UTRN: variants seen among roughly 807,000 people sequenced by gnomAD.
The protein encoded by UTRN is utrophin.
Under a neutral mutation model 463.9 loss-of-function variants are expected in UTRN, and 283 were observed. That is an observed-to-expected ratio of 0.61 (90% CI 0.55 to 0.67). UTRN has a LOEUF of 0.67. Ranked by LOEUF, UTRN falls within the 30% of genes least tolerant of loss-of-function variation. UTRN has a pLI of 0.00. For missense variants in UTRN, 3,922 were observed against 4,084.3 expected (o/e 0.96, Z 1.08); for synonymous variants, 1,442 against 1,431.5 (o/e 1.01, Z -0.17).
intron 51 of UTRN, among the ~76,000 whole-genome samples, chr6:144,632,777 A>G (rs1030107248): frequency 1.3e-5 from 2 of 150,824 alleles, no homozygotes; most frequent in Non-Finnish European, 2.9e-5. Flanking sequence ...GCTGGAGTGC[A>G]ATGGCAAGAT....
At chr6:144,485,086 A>T (rs7745507) in intron 27 of UTRN, among the ~76,000 whole-genome samples, 13,698 of 150,014 alleles carry the variant, frequency 0.091, 1,632 homozygotes, top group African/African-American at 0.27. Context: ...TAATATTTTT[A>T]TATATATATA....
intron 51 of UTRN, among the ~76,000 whole-genome samples, chr6:144,677,163 T>C (rs943832013): frequency 3.3e-5 from 5 of 152,184 alleles, no homozygotes; most frequent in Admixed American, 2.0e-4. Flanking sequence ...GTTTGTTCCA[T>C]AGGTGTACAT....
intron 51 of UTRN, among the ~76,000 whole-genome samples, chr6:144,618,340 A>G (rs901141230): frequency 6.6e-6 from 1 of 152,172 alleles, no homozygotes; most frequent in Admixed American, 6.6e-5. Flanking sequence ...TTTATTGATG[A>G]TACTACTAAG....
intron 33 of UTRN, among the ~76,000 whole-genome samples, chr6:144,498,724 G>A (rs113151373): frequency 0.041 from 6,199 of 151,502 alleles, 439 homozygotes; most frequent in African/African-American, 0.14. Flanking sequence ...GCAGGATCAC[G>A]GCTCACTGCA....
Position 144,459,222 on chromosome 6 carries a change from C to T in UTRN, c.2575C>T (p.Arg859Cys), listed in dbSNP as rs559300380. 4.6e-5 allele frequency: 75 copies of T among 1,613,744 alleles called. No homozygotes were observed. In the East Asian group the frequency reaches 1.1e-3, roughly 24 times the overall value. The change falls in exon 21 of 75, where the codon CGT becomes TGT. Residue 859 changes from arginine (R) to cysteine (C), a missense_variant. Physicochemically the swap from Arg to Cys is radical, Grantham distance 180. Around this residue, in one of 3 missense-constraint regions of UTRN, gnomAD observed 2,349 missense variants for 2,303.8 expected, o/e 1.02. Transcript: ENST00000367545. Reference protein sequence around the residue: ...LGLHPKIEMARASCSALMSQP... With the variant: ...LGLHPKIEMACASCSALMSQP... ...CCTTCACCCCAAAATTGAAATGGCT[C>T]GTGCAAGCTGCTCGGCCCTGATGTC...
At chr6:144,549,857 T>C (rs957773857) in intron 47 of UTRN, among the ~76,000 whole-genome samples, 2 of 152,194 alleles carry the variant, frequency 1.3e-5, no homozygotes, top group Non-Finnish European at 2.9e-5. Flanking sequence ...CAAATTCCCT[T>C]TGTGAAGGAG....
At chr6:144,799,360 A>G in intron 64 of UTRN, 1 of 448,178 alleles carries the variant, frequency 2.2e-6, no homozygotes, top group South Asian at 1.7e-5. Flanking sequence ...TTCTAAGAGG[A>G]GGAAAAGACA....
chr6:144,784,233 C>T (rs897116730), intron 61 of UTRN, among the ~76,000 whole-genome samples: 6 of 152,170 alleles, frequency 3.9e-5, no homozygotes, highest in Admixed American at 3.9e-4. Context: ...GTCCATGGCT[C>T]TGACACACTG....
At chr6:144,725,654 G>A (rs1481092040) in intron 53 of UTRN, among the ~76,000 whole-genome samples, 1 of 152,170 alleles carries the variant, frequency 6.6e-6, no homozygotes, top group Non-Finnish European at 1.5e-5. Flanking sequence ...TATCATTAAT[G>A]TTCACCAGGT....
chr6:144,572,005 C>T (rs529519286), intron 50 of UTRN, among the ~76,000 whole-genome samples: 6 of 152,162 alleles, frequency 3.9e-5, no homozygotes, highest in Non-Finnish European at 7.4e-5. Context: ...TTGTGTTATT[C>T]GTTTGTTTTT....
In UTRN at chr6:144,451,450, A is replaced by T; in HGVS notation, c.2153A>T (p.Tyr718Phe). 1 of 1,613,064 alleles carries T rather than the reference A, an allele frequency of 6.2e-7. No individual in the cohort carries two copies. The change falls in exon 18 of 75, where the codon TAT becomes TTT. Residue 718 changes from tyrosine (Y) to phenylalanine (F), a missense_variant. Coordinates refer to ENST00000367545, the MANE Select transcript of UTRN (RefSeq NM_007124.3). ...ATTCAGACCACAGAGATAAAAGAGT[A>T]TATGAAGATGCAAGACACTTCCGAA... ...TAIQTTEIKE[Y>F]MKMQDTSEMK... is the part of the protein sequence containing the mutation.
intron 51 of UTRN, among the ~76,000 whole-genome samples, chr6:144,663,834 T>C (rs1294273436): frequency 6.6e-6 from 1 of 152,214 alleles, no homozygotes; most frequent in Admixed American, 6.5e-5. Flanking sequence ...TTTGAAGCTA[T>C]ATTGTATTGC....
chr6:144,511,848 C>A (rs998501469), intron 35 of UTRN, among the ~76,000 whole-genome samples: 1 of 152,026 alleles, frequency 6.6e-6, no homozygotes, highest in Non-Finnish European at 1.5e-5. Context: ...TATATGGCCA[C>A]CCCACCCTCC....
At chr6:144,819,025 C>T (rs1438137118) in intron 65 of UTRN, among the ~76,000 whole-genome samples, 3 of 151,870 alleles carry the variant, frequency 2.0e-5, no homozygotes, top group Non-Finnish European at 4.4e-5. Flanking sequence ...TTCTTCTGCA[C>T]TTTTGCTTTG....
chr6:144,757,132 T>C (rs1013932916), intron 57 of UTRN, among the ~76,000 whole-genome samples: 2 of 151,838 alleles, frequency 1.3e-5, no homozygotes, highest in African/African-American at 4.8e-5. Context: ...AAAATTCTTT[T>C]ATGGCACTAA....
intron 52 of UTRN, among the ~76,000 whole-genome samples, chr6:144,679,846 C>T (rs1782030205): frequency 6.6e-6 from 1 of 152,014 alleles, no homozygotes; most frequent in Non-Finnish European, 1.5e-5. Flanking sequence ...TTTGCAGTTC[C>T]TCTTACATGT....
chr6:144,805,649 A>G (rs143369066), intron 65 of UTRN, among the ~76,000 whole-genome samples: 1 of 152,248 alleles, frequency 6.6e-6, no homozygotes, highest in East Asian at 1.9e-4. Context: ...CCCCTTGTTT[A>G]ACAATTATTA....
chr6:144,823,598 T>A (rs537847119), intron 66 of UTRN, among the ~76,000 whole-genome samples: 3 of 152,276 alleles, frequency 2.0e-5, no homozygotes, highest in African/African-American at 7.2e-5. Flanking sequence ...AGGGGATTTA[T>A]GGGGAAAATG....
At chr6:144,519,666 T>C (rs1345354023) in intron 39 of UTRN, among the ~76,000 whole-genome samples, 2 of 152,186 alleles carry the variant, frequency 1.3e-5, no homozygotes, top group Non-Finnish European at 2.9e-5. Flanking sequence ...AGAAAGCACA[T>C]GTTTAAGTCT....
Sources: allele counts gnomAD v4.1 joint callset (sites outside exome capture counted in the v4.1 genomes callset), GRCh38; gene constraint gnomAD v4.1.1; regional missense constraint gnomAD v4.1.1; transcripts MANE v1.5; gene names NCBI Gene and HGNC (gene_info 2026-07-23, HGNC 2026-07-21).